Variants in EPPK1 observed in about 807,000 individuals in gnomAD.
The protein encoded by EPPK1 is epiplakin 1, also known as epiplakin.
For missense variants in EPPK1, 3,823 were observed against 3,673.3 expected, an observed-to-expected ratio of 1.04 and a Z score of -1.05; for synonymous variants, 1,862 against 1,721.2, an observed-to-expected ratio of 1.08 and a Z score of -2.03.
Position 143,871,740 on chromosome 8 carries a change from C to T in EPPK1, c.1514G>A (p.Gly505Asp). Residue 505 changes from glycine (G) to aspartate (D), a missense_variant, in exon 2 of 2, where the codon GGC (glycine) becomes GAC (aspartate). By Grantham distance (94) the Gly-to-Asp change is moderately conservative. Transcript: ENST00000615648. ...TATVSVGKFR[G>D]RPVSLWELLF... Reference sequence around the variant, plus strand: ...CAGCTCCCAGAGGGACACGGGCCGGCCCCGGAACTTCCCCACAGAGACGGT... The same window carrying T: ...CAGCTCCCAGAGGGACACGGGCCGGTCCCGGAACTTCCCCACAGAGACGGT... 1 of 1,609,806 alleles carries T rather than the reference C, an allele frequency of 6.2e-7. No homozygotes were observed. The highest frequency in any genetic ancestry group is 2.2e-5 in the East Asian group (1 of 44,808).
upstream of EPPK1, among the ~76,000 whole-genome samples, chr8:143,878,654 C>T (rs1232549177): frequency 2.6e-5 from 4 of 151,718 alleles, no homozygotes; most frequent in Admixed American, 1.3e-4. Context: ...ACCCTCCCCT[C>T]GTCCCCAGCA....
In EPPK1 at chr8:143,869,314, T is replaced by G. The variant is rs782316655; in HGVS notation, c.3940A>C (p.Ser1314Arg). The change falls in exon 2 of 2, where the codon AGT becomes CGT. Residue 1314 changes from serine to arginine, a missense_variant. Transcript: ENST00000615648. Reference protein sequence around the residue: ...VKVGLVGRELSEQLGQAERAA... With the variant: ...VKVGLVGRELREQLGQAERAA... Reference sequence around the variant, plus strand: ...CTCTCGGCCTGCCCGAGCTGCTCACTCAGCTCCCTGCCCACCAGGCCGACC... The same window carrying G: ...CTCTCGGCCTGCCCGAGCTGCTCACGCAGCTCCCTGCCCACCAGGCCGACC... 5 of 1,605,870 alleles carry G rather than the reference T, an allele frequency of 3.1e-6. No individual in the cohort carries two copies. Among genetic ancestry groups the G allele is most frequent in the South Asian group, 1.1e-5 (1 of 90,372 alleles).
chr8:143,867,915 C>T lies in EPPK1; in HGVS notation c.5339G>A (p.Arg1780Lys). The change falls in exon 2 of 2, where the codon AGA (arginine) becomes AAA (lysine). Residue 1780 changes from arginine (R) to lysine (K), a missense_variant. Physicochemically the swap from Arg to Lys is conservative, Grantham distance 26. Transcript: ENST00000615648. ...CCTCCCCACGCGCATTTTTGCAGTT[C>T]TGGATTGCAACACGTGTCTCGTGGC... Reference protein sequence around the residue: ...NEATRHVLQSRTAKMRVGRFA... With the variant: ...NEATRHVLQSKTAKMRVGRFA... 6.2e-7 allele frequency: 1 copy of T among 1,613,586 alleles called. No individual in the cohort carries two copies. The highest frequency in any genetic ancestry group is 8.5e-7 in the Non-Finnish European group (1 of 1,179,826).
Position 143,871,531 on chromosome 8 carries a change from C to G in EPPK1, c.1723G>C (p.Ala575Pro). 1.2e-6 allele frequency: 2 copies of G among 1,610,034 alleles called. No individual in the cohort carries two copies. Among genetic ancestry groups the G allele is most frequent in the Non-Finnish European group, 1.7e-6 (2 of 1,178,906 alleles). The change falls in exon 2 of 2, where the codon GCC becomes CCC. Residue 575 changes from alanine to proline, a missense_variant. Physicochemically the swap from Ala to Pro is conservative, Grantham distance 27. Transcript: ENST00000615648. Reference sequence around the variant, plus strand: ...TACAGGTCCTGGTCGATGATCTCGGCTTTCAGCAGCTCTCCTGGTGTCACG... The same window carrying G: ...TACAGGTCCTGGTCGATGATCTCGGGTTTCAGCAGCTCTCCTGGTGTCACG... ...DTVTPGELLK[A>P]EIIDQDLYER...
In EPPK1 at chr8:143,866,622, A is replaced by C; in HGVS notation, c.6632T>G (p.Met2211Arg). ...GTAGCGCTTGACGCGGTCGTCCTCC[A>C]TGAGCTCTTGCGTCGTGCTCCGTCC... Reference protein sequence around the residue: ...ETGRSTTQELMEDDRVKRYLE... With the variant: ...ETGRSTTQELREDDRVKRYLE... The change falls in exon 2 of 2, where the codon ATG (methionine) becomes AGG (arginine). Residue 2211 changes from methionine to arginine, a missense_variant. Met to Arg is a moderately conservative substitution (Grantham distance 91, BLOSUM62 -1). Transcript: ENST00000615648. 6.2e-7 allele frequency: 1 copy of C among 1,612,920 alleles called. No homozygotes were observed.
In EPPK1 at chr8:143,867,855, A is replaced by G. The variant is rs1302076068; in HGVS notation, c.5399T>C (p.Leu1800Pro). 3 of 1,613,162 alleles carry G rather than the reference A, an allele frequency of 1.9e-6. No individual in the cohort carries two copies. Among genetic ancestry groups the G allele is most frequent in the Non-Finnish European group, 2.5e-6 (3 of 1,179,658 alleles). The change falls in exon 2 of 2, where the codon CTG (leucine) becomes CCG (proline). Residue 1800 changes from leucine (L) to proline (P), a missense_variant. Leu to Pro is a moderately conservative substitution (Grantham distance 98, BLOSUM62 -3). Coordinates refer to ENST00000615648, the MANE Select transcript of EPPK1 (RefSeq NM_031308.4). The stretch of plus-strand genomic sequence containing the variant: ...GTCCTCTGTGAAGTATGGAGAGGAC[A>G]GCAGGTCCCAGAAAGAGACCACCTG... ...ADQVVSFWDL[L>P]SSPYFTEDRK... is the part of the protein sequence containing the mutation.
At chr8:143,878,395 C>CCGCACCCGCCCGCACCCGCCGCACCCG (rs1554662602) in intron 1 of EPPK1, 43 bp downstream of exon 1, 1 of 82,876 alleles carries the variant, frequency 1.2e-5, no homozygotes, top group African/African-American at 6.7e-5. Context: ...GCCGCACCTG[C>CCGCACCCGCCCGCACCCGCCGCACCCG]CCGCACCCGC....
rs1165798076 is a variant in EPPK1, at chr8:143,867,347, C to A, written c.5907G>T (p.Leu1969=). Residue 1969 remains leucine (L), a synonymous_variant, in exon 2 of 2, where the codon CTG becomes CTT. Coordinates refer to ENST00000615648, the MANE Select transcript of EPPK1 (RefSeq NM_031308.4). ...LVNEELRERL[L]KAERAATGYR... ...AGCCCGTGGCAGCTCTTTCAGCCTT[C>A]AGGAGCCTCTCCCGCAGCTCCTCGT... 2 of 1,612,806 alleles carry A rather than the reference C, an allele frequency of 1.2e-6. No homozygotes were observed. The highest frequency in any genetic ancestry group is 2.7e-5 in the African/African-American group (2 of 75,042).
At position 143,869,436 on chromosome 8, in the gene EPPK1, G is replaced by A. The variant is rs1246401550; in HGVS notation, c.3818C>T (p.Thr1273Ile). The change falls in exon 2 of 2, where the codon ACA becomes ATA. Residue 1273 changes from threonine to isoleucine, a missense_variant. Physicochemically the swap from Thr to Ile is moderately conservative, Grantham distance 89. Coordinates refer to ENST00000615648, the MANE Select transcript of EPPK1 (RefSeq NM_031308.4). ...TTCCAGCAGCCTCTGGCCCAGGCCT[G>A]TGGGCAGGAGGCCATCCCTCACGGC... ...AQAVRDGLLP[T>I]GLGQRLLEAQ... 1 of 1,586,180 alleles carries A rather than the reference G, an allele frequency of 6.3e-7. No individual in the cohort carries two copies.
In EPPK1 at chr8:143,868,618, C is replaced by G. The variant is rs191532254; in HGVS notation, c.4636G>C (p.Glu1546Gln). 1 of 1,598,856 alleles carries G rather than the reference C, an allele frequency of 6.3e-7. No homozygotes were observed. Among genetic ancestry groups the G allele is most frequent in the Non-Finnish European group, 8.5e-7 (1 of 1,173,440 alleles). ...ACAGTCGTTGTCCCCTGGCTCAGCT[C>G]GTCCAGCGTCTTCCTGCTGATCAGC... Reference protein sequence around the residue: ...AQLISRKTLDELSQGTTTVKE... With the variant: ...AQLISRKTLDQLSQGTTTVKE... The change falls in exon 2 of 2, where the codon GAG (glutamate) becomes CAG (glutamine). Residue 1546 changes from glutamate to glutamine, a missense_variant. Glu to Gln is a conservative substitution (Grantham distance 29, BLOSUM62 2). Coordinates refer to ENST00000615648, the MANE Select transcript of EPPK1 (RefSeq NM_031308.4).
rs184979586 is a variant in EPPK1, at chr8:143,867,899, G to A, written c.5355C>T (p.Arg1785=). 113 of 1,613,388 alleles carry A rather than the reference G, an allele frequency of 7.0e-5. No homozygotes were observed. In the East Asian group the frequency reaches 1.0e-3, roughly 14 times the overall value. ...HVLQSRTAKM[R]VGRFADQVVS... The stretch of plus-strand genomic sequence containing the variant: ...CCACCTGGTCAGCAAACCTCCCCAC[G>A]CGCATTTTTGCAGTTCTGGATTGCA... Residue 1785 remains arginine (R), a synonymous_variant, in exon 2 of 2, where the codon CGC becomes CGT. Transcript: ENST00000615648.
rs782279066 is a variant in EPPK1 at position 143,870,280 on chromosome 8, C to T, written c.2974G>A (p.Val992Met). 24 of 1,588,332 alleles carry T rather than the reference C, an allele frequency of 1.5e-5. No individual in the cohort carries two copies. The highest frequency in any genetic ancestry group is 2.3e-5 in the South Asian group (2 of 88,384). ...LSVDEAVRRG[V>M]VGPELYGRLK... The stretch of plus-strand genomic sequence containing the variant: ...CTGCCATACAGCTCCGGCCCCACCA[C>T]ACCCCTGCGCACGGCCTCATCCACC... The change falls in exon 2 of 2, where the codon GTG (valine) becomes ATG (methionine). Residue 992 changes from valine (V) to methionine (M), a missense_variant. Physicochemically the swap from Val to Met is conservative, Grantham distance 21. Transcript: ENST00000615648. This position sits in a 1 kb window ranked among gnomAD's most constrained non-coding sequence, Gnocchi z 5.2.
Position 143,871,749 on chromosome 8 carries a change from T to A in EPPK1, c.1505A>T (p.Lys502Met), listed in dbSNP as rs1819358220. Reference sequence around the variant, plus strand: ...GAGGGACACGGGCCGGCCCCGGAACTTCCCCACAGAGACGGTGGCTGTGGC... The same window carrying A: ...GAGGGACACGGGCCGGCCCCGGAACATCCCCACAGAGACGGTGGCTGTGGC... ...STATATVSVG[K>M]FRGRPVSLWE... Residue 502 changes from lysine (K) to methionine (M), a missense_variant, in exon 2 of 2, where the codon AAG becomes ATG. Physicochemically the swap from Lys to Met is moderately conservative, Grantham distance 95. Transcript: ENST00000615648. 6.2e-7 allele frequency: 1 copy of A among 1,610,434 alleles called. No homozygotes were observed. Among genetic ancestry groups the A allele is most frequent in the Non-Finnish European group, 8.5e-7 (1 of 1,178,776 alleles).
rs1165769025 is a variant in EPPK1, at chr8:143,866,754, G to T, written c.6500C>A (p.Thr2167Asn). Residue 2167 changes from threonine to asparagine, a missense_variant, in exon 2 of 2, where the codon ACC becomes AAC. Transcript: ENST00000615648. ...TTGGAACCACAGGTGTTTGTTGCTG[G>T]TTTCCTGCTTCTCGATCAACTCTAA... The part of the protein sequence containing the change: ...LILELIEKQE[T>N]SNKHLWFQGI... The T allele has an allele frequency of 1.2e-6, 2 of 1,613,512 alleles. No individual in the cohort carries two copies. The highest frequency in any genetic ancestry group is 1.7e-6 in the Non-Finnish European group (2 of 1,179,882).
Position 143,870,370 on chromosome 8 carries a change from C to A in EPPK1, c.2884G>T (p.Ala962Ser). Residue 962 changes from alanine (A) to serine (S), a missense_variant, in exon 2 of 2, where the codon GCC becomes TCC. Physicochemically the swap from Ala to Ser is moderately conservative, Grantham distance 99. Coordinates refer to ENST00000615648, the MANE Select transcript of EPPK1 (RefSeq NM_031308.4). This position sits in a 1 kb window ranked among gnomAD's most constrained non-coding sequence, Gnocchi z 5.2. ...GTGGCCGCCTGGGCCTCCAGCAGGG[C>A]CAGGGCCACCCTGGGCCCCAGCAGC... is the stretch of plus-strand genomic sequence containing the variant. ...QKLLGPRVAL[A>S]LLEAQAATGT... 1 of 1,564,958 alleles carries A rather than the reference C, an allele frequency of 6.4e-7. No individual in the cohort carries two copies.
Position 143,870,573 on chromosome 8 carries a change from TC to T in EPPK1, c.2680del (p.Glu894ArgfsTer57). The T allele has an allele frequency of 6.2e-7, 1 of 1,611,316 alleles. No individual in the cohort carries two copies. The highest frequency in any genetic ancestry group is 8.5e-7 in the Non-Finnish European group (1 of 1,179,360). ...RSRVTVHQLLEAGIIDQQLLD... is the reference protein window; with the variant it reads ...RSRVTVHQLLXAGIIDQQLLD... ...CAGCTGCTGGTCAATGATACCGGCC[TC>T]CAGGAGCTGGTGGACGGTGACCCGG... On this transcript the variant is annotated frameshift_variant, in exon 2 of 2. Coordinates refer to ENST00000615648, the MANE Select transcript of EPPK1 (RefSeq NM_031308.4). LOFTEE classifies it low-confidence loss of function (END_TRUNC). This position sits in a 1 kb window ranked among gnomAD's most constrained non-coding sequence, Gnocchi z 5.2.
rs782274434 is a variant in EPPK1 at position 143,866,722 on chromosome 8, T to G, written c.6532A>C (p.Arg2178=). 1 of 1,613,480 alleles carries G rather than the reference T, an allele frequency of 6.2e-7. No individual in the cohort carries two copies. Among genetic ancestry groups the G allele is most frequent in the East Asian group, 2.2e-5 (1 of 44,892 alleles). ...SNKHLWFQGI[R]RQITASELLS... The stretch of plus-strand genomic sequence containing the variant: ...AGTTCAGAAGCTGTGATCTGTCGTC[T>G]AATTCCTTGGAACCACAGGTGTTTG... The change falls in exon 2 of 2, where the codon AGA becomes CGA. Residue 2178 remains arginine, a synonymous_variant. Transcript: ENST00000615648.
At position 143,870,190 on chromosome 8, in the gene EPPK1, C is replaced by CA. The variant is rs782070228; in HGVS notation, c.3063dup (p.Val1022CysfsTer30). On this transcript the variant is annotated frameshift_variant, in exon 2 of 2. Coordinates refer to ENST00000615648, the MANE Select transcript of EPPK1 (RefSeq NM_031308.4). LOFTEE classifies it low-confidence loss of function (END_TRUNC). The surrounding 1 kb of genome is among the most constrained non-coding windows in gnomAD (Gnocchi z 5.2). ...AGACCTTTCTTCATGGCCTGGAACACAGACACCTGCTTCCCAGAGAAGGGG... is the reference window on the plus strand; with the variant it reads ...AGACCTTTCTTCATGGCCTGGAACACAAGACACCTGCTTCCCAGAGAAGGGG... The CA allele has an allele frequency of 1.9e-5, 30 of 1,611,284 alleles. No homozygotes were observed. The highest frequency in any genetic ancestry group is 2.5e-5 in the Non-Finnish European group (30 of 1,179,290).
rs543330318 is a variant in EPPK1, at chr8:143,873,390, G to A, written c.-45-92C>T. ...TCATGGGGCAATCCCATGCTGTCCCGGGCTGGGCTCCACCCACAGACGTGC... is the reference window on the plus strand; with the variant it reads ...TCATGGGGCAATCCCATGCTGTCCCAGGCTGGGCTCCACCCACAGACGTGC... On this transcript the variant is annotated intron_variant, in intron 1 of 1. Transcript: ENST00000615648. The A allele has an allele frequency of 2.0e-5, 19 of 939,086 alleles. 1 individual carries two copies. Among genetic ancestry groups the A allele is most frequent in the South Asian group, 1.9e-4 (8 of 42,582 alleles). The allele number at this position is 939,086 out of a possible 1,614,324, so 58.2% of individuals were successfully genotyped here. A position where few individuals can be genotyped will look rare whatever the true frequency, so the allele number is the denominator to read the frequency against.
Sources: gnomAD v4.1 joint callset for allele counts (sites outside exome capture counted in the v4.1 genomes callset) on GRCh38, gnomAD v4.1.1 for gene constraint, Gnocchi (gnomAD v3.1) non-coding constraint, MANE v1.5 for transcripts, NCBI Gene and HGNC (gene_info 2026-07-23, HGNC 2026-07-21) for gene names.